Variants in STXBP5 observed in about 807,000 individuals in gnomAD.
STXBP5 encodes syntaxin-binding protein 5.
A neutral mutation model predicts 152.4 loss-of-function variants in STXBP5; 50 were observed. That is an observed-to-expected ratio of 0.33 (90% CI 0.26 to 0.42). STXBP5 has a LOEUF of 0.42. STXBP5 is among the 10% of genes least tolerant of loss of function. The pLI is 1.00. For synonymous variants in STXBP5, 492 were observed against 494.7 expected (o/e 0.99, Z 0.07); for missense variants, 1,167 against 1,388.6 (o/e 0.84, Z 2.54).
At chr6:147,356,228 G>A (rs1187568564) in intron 22 of STXBP5, among the ~76,000 whole-genome samples, 6 of 151,854 alleles carry the variant, frequency 4.0e-5, no homozygotes, top group Non-Finnish European at 5.9e-5. Flanking sequence ...ATCACCTCTT[G>A]TAATTTTAAT....
Position 147,316,385 on chromosome 6 carries a change from C to T in STXBP5, c.1780C>T (p.Arg594Cys), listed in dbSNP as rs1295359555. The T allele has an allele frequency of 5.1e-6, 8 of 1,565,782 alleles. No individual in the cohort carries two copies. Among genetic ancestry groups the T allele is most frequent in the African/African-American group, 1.4e-5 (1 of 72,246 alleles). ...STSSSSSDGLRDNVPCLKVKN... is the reference protein window; with the variant it reads ...STSSSSSDGLCDNVPCLKVKN... ...CAGTAGCAGTTCATCTGATGGGCTT[C>T]GTGATAATGTACCTTGTTTAAAGTA... The change falls in exon 16 of 28, where the codon CGT (arginine) becomes TGT (cysteine). Residue 594 changes from arginine (R) to cysteine (C), a missense_variant. This residue lies in a region of STXBP5 where 833 missense variants were observed against 986.3 expected (regional missense o/e 0.84). Transcript: ENST00000321680.
At chr6:147,227,982 G>A (rs1444480337) in intron 2 of STXBP5, among the ~76,000 whole-genome samples, 1 of 152,060 alleles carries the variant, frequency 6.6e-6, no homozygotes, top group African/African-American at 2.4e-5. Context: ...CATCTCTGGA[G>A]CCCTCTTGTT....
intron 3 of STXBP5, among the ~76,000 whole-genome samples, chr6:147,237,512 G>A (rs866025826): frequency 2.0e-5 from 3 of 152,116 alleles, no homozygotes; most frequent in South Asian, 2.1e-4. Context: ...AGATGACATC[G>A]CCTGATATTT....
At chr6:147,248,436 G>A (rs1452811224) in intron 4 of STXBP5, among the ~76,000 whole-genome samples, 1 of 152,108 alleles carries the variant, frequency 6.6e-6, no homozygotes, top group Non-Finnish European at 1.5e-5. Flanking sequence ...GAAAACATAT[G>A]ATGAAATAAT....
chr6:147,244,926 G>C (rs952730927), intron 4 of STXBP5, among the ~76,000 whole-genome samples: 6 of 150,812 alleles, frequency 4.0e-5, no homozygotes, highest in Admixed American at 3.3e-4. Flanking sequence ...TAGCACTTTG[G>C]CATTGATATG....
At position 147,278,222 on chromosome 6, in the gene STXBP5, T is replaced by C. The variant is rs368495129; in HGVS notation, c.838+18T>C. 91 of 1,587,146 alleles carry C rather than the reference T, an allele frequency of 5.7e-5. No homozygotes were observed. Among genetic ancestry groups the C allele is most frequent in the Non-Finnish European group, 7.6e-5 (88 of 1,164,834 alleles). On this transcript the variant is annotated intron_variant, in intron 8 of 27. Coordinates refer to ENST00000321680, the MANE Select transcript of STXBP5 (RefSeq NM_001127715.4). ...TCCACATGGTAAGAATGCATCAATT[T>C]TAAATACCACCTAATTGTAACGTAC...
chr6:147,353,006 A>G (rs369967474), intron 21 of STXBP5, among the ~76,000 whole-genome samples: 6 of 152,098 alleles, frequency 3.9e-5, no homozygotes, highest in Admixed American at 2.6e-4. Flanking sequence ...AGCCAGGCAC[A>G]GTGGTTACAT....
rs575958833 is a variant in STXBP5 at position 147,363,833 on chromosome 6, G to A, written c.2915+129G>A. 6 of 1,411,504 alleles carry A rather than the reference G, an allele frequency of 4.3e-6. No homozygotes were observed. The African/African-American group carries it at 8.7e-5, about 20-fold the overall frequency. The allele number at this position is 1,411,504 out of a possible 1,614,324, so 87.4% of individuals were successfully genotyped here. A position where few individuals can be genotyped will look rare whatever the true frequency, so the allele number is the denominator to read the frequency against. ...TACTCTGAGAATTTATTTTTATTCTGTTAATAGTGAACAAGTATATGAGGA... is the reference window on the plus strand; with the variant it reads ...TACTCTGAGAATTTATTTTTATTCTATTAATAGTGAACAAGTATATGAGGA... On this transcript the variant is annotated intron_variant, in intron 24 of 27. Coordinates refer to ENST00000321680, the MANE Select transcript of STXBP5 (RefSeq NM_001127715.4).
chr6:147,348,281 T>C (rs1467416958), intron 21 of STXBP5, among the ~76,000 whole-genome samples: 2 of 152,110 alleles, frequency 1.3e-5, no homozygotes, highest in African/African-American at 4.8e-5. Flanking sequence ...TAGATGCCTC[T>C]TCATGCAAGG....
Position 147,204,745 on chromosome 6 carries a change from T to TA in STXBP5, c.150+64dup. The TA allele has an allele frequency of 6.8e-7, 1 of 1,468,850 alleles. No individual in the cohort carries two copies. Among genetic ancestry groups the TA allele is most frequent in the Non-Finnish European group, 9.1e-7 (1 of 1,102,796 alleles). 91.0% of individuals were successfully genotyped at this position (1,468,850 alleles called of 1,614,324 possible). ...AAAATTGGGGTTGTTTTAAGGGGGC[T>TA]ACTCGGGCTTTACATGGGAATGCAA... On this transcript the variant is annotated intron_variant, in intron 1 of 27. Coordinates refer to ENST00000321680, the MANE Select transcript of STXBP5 (RefSeq NM_001127715.4). The surrounding 1 kb of genome is among the most constrained non-coding windows in gnomAD (Gnocchi z 4.3).
At chr6:147,342,459 C>T (rs1262378117) in intron 21 of STXBP5, among the ~76,000 whole-genome samples, 3 of 152,174 alleles carry the variant, frequency 2.0e-5, no homozygotes, top group African/African-American at 4.8e-5. Context: ...GTGAGTTTGA[C>T]AGCAAAAACA....
intron 16 of STXBP5, among the ~76,000 whole-genome samples, chr6:147,319,702 A>G (rs1037689827): frequency 3.9e-5 from 6 of 152,060 alleles, no homozygotes; most frequent in African/African-American, 1.4e-4. Flanking sequence ...AATGGATGGA[A>G]CTTTGAAGCA....
chr6:147,356,775 A>G (rs77105446), intron 22 of STXBP5, among the ~76,000 whole-genome samples: 2 of 152,130 alleles, frequency 1.3e-5, no homozygotes, highest in African/African-American at 4.8e-5. Context: ...AGATTTGGCT[A>G]TACCTTTTTT....
intron 11 of STXBP5, among the ~76,000 whole-genome samples, chr6:147,313,370 C>T (rs1782478821): frequency 6.6e-6 from 1 of 152,096 alleles, no homozygotes; most frequent in South Asian, 2.1e-4. Flanking sequence ...AAAGTAACTT[C>T]ATATCTAGAA....
At chr6:147,235,639 T>A (rs139909941) in intron 3 of STXBP5, among the ~76,000 whole-genome samples, 2,681 of 152,246 alleles carry the variant, frequency 0.018, 32 homozygotes, top group Middle Eastern at 0.034. Context: ...ATTAAAATAT[T>A]TTTTAAAAGA....
At chr6:147,295,875 T>C (rs368620060) in intron 9 of STXBP5, among the ~76,000 whole-genome samples, 1 of 152,130 alleles carries the variant, frequency 6.6e-6, no homozygotes, top group African/African-American at 2.4e-5. Context: ...CATCTTGAAA[T>C]TGGAGCCAGT....
At chr6:147,328,544 G>T (rs1783391461) in intron 18 of STXBP5, among the ~76,000 whole-genome samples, 1 of 152,198 alleles carries the variant, frequency 6.6e-6, no homozygotes, top group African/African-American at 2.4e-5. Context: ...TTGGCTTGAT[G>T]ACTGAATTTT....
chr6:147,346,023 CCTT>C (rs1582975758), intron 21 of STXBP5, among the ~76,000 whole-genome samples: 2 of 152,154 alleles, frequency 1.3e-5, no homozygotes, highest in South Asian at 4.1e-4. Flanking sequence ...ACTGAAGAAA[CCTT>C]CTGTCAGAGG....
At chr6:147,349,055 TAAA>T (rs1415270921) in intron 21 of STXBP5, among the ~76,000 whole-genome samples, 4 of 151,296 alleles carry the variant, frequency 2.6e-5, no homozygotes, top group African/African-American at 7.4e-5. Flanking sequence ...AACTCAAAGA[TAAA>T]AAAGCATATA....
Sources: gnomAD v4.1 joint callset for allele counts (sites outside exome capture counted in the v4.1 genomes callset) on GRCh38, gnomAD v4.1.1 for gene constraint, gnomAD v4.1.1 regional missense constraint, Gnocchi (gnomAD v3.1) non-coding constraint, MANE v1.5 for transcripts, NCBI Gene and HGNC (gene_info 2026-07-23, HGNC 2026-07-21) for gene names.